EXT2: variants seen among roughly 807,000 people sequenced by gnomAD.
The protein encoded by EXT2 is exostosin-2.
EXT2 carries 53 observed loss-of-function variants against 81.6 expected under a neutral mutation model. That is an observed-to-expected ratio of 0.65 (90% CI 0.52 to 0.82). The LOEUF (loss-of-function observed/expected upper bound fraction) is 0.82, where lower values mean the gene tolerates loss of function less well. EXT2 is among the 40% of genes least tolerant of loss of function. The pLI, the probability that EXT2 is intolerant of heterozygous loss-of-function variation, is 0.00. For synonymous variants in EXT2, 320 were observed against 340.0 expected, an observed-to-expected ratio of 0.94 and a Z score of 0.65; for missense variants, 774 against 910.2, an observed-to-expected ratio of 0.85 and a Z score of 1.93.
chr11:44,142,570 G>A (rs1954660295), intron 7 of EXT2, among the ~76,000 whole-genome samples: 1 of 152,192 alleles, frequency 6.6e-6, no homozygotes, highest in South Asian at 2.1e-4. Context: ...AATGTTTGAA[G>A]TCTATCTATA....
rs1166893714 is a variant in EXT2 at position 44,124,932 on chromosome 11, T to G, written c.887T>G (p.Val296Gly). 10 of 1,613,764 alleles carry G rather than the reference T, an allele frequency of 6.2e-6. No homozygotes were observed. The Admixed American group carries it at 1.7e-4, about 27-fold the overall frequency. ...CTNLSEGVLS[V>G]RKRCHKHQVF... ...AACCTCTCAGAGGGTGTCCTTTCTGTCCGTAAGCGCTGCCACAAGCACCAG... is the reference window on the plus strand; with the variant it reads ...AACCTCTCAGAGGGTGTCCTTTCTGGCCGTAAGCGCTGCCACAAGCACCAG... Residue 296 changes from valine to glycine, a missense_variant, in exon 5 of 14, where the codon GTC becomes GGC. Transcript: ENST00000533608.
intron 8 of EXT2, among the ~76,000 whole-genome samples, chr11:44,174,672 A>G (rs1276218390): frequency 6.6e-6 from 1 of 152,212 alleles, no homozygotes; most frequent in Non-Finnish European, 1.5e-5. Flanking sequence ...ATATCTACAA[A>G]TGCTAATTTT....
At chr11:44,238,410 G>A (rs1314231327) in intron 13 of EXT2, among the ~76,000 whole-genome samples, 1 of 152,116 alleles carries the variant, frequency 6.6e-6, no homozygotes, top group Non-Finnish European at 1.5e-5. Flanking sequence ...TTGAACTCCT[G>A]GCCTCAAGGT....
intron 8 of EXT2, among the ~76,000 whole-genome samples, chr11:44,188,361 C>G (rs1955345451): frequency 6.6e-6 from 1 of 152,184 alleles, no homozygotes; most frequent in Non-Finnish European, 1.5e-5. Context: ...AGCTAGGAAA[C>G]TAAAAGATTA....
At chr11:44,229,894 A>C (rs1046980573) in intron 10 of EXT2, among the ~76,000 whole-genome samples, 2 of 152,234 alleles carry the variant, frequency 1.3e-5, no homozygotes, top group Non-Finnish European at 2.9e-5. Context: ...GTTGTTGCAT[A>C]CCAGGCACTG....
At chr11:44,131,955 C>T (rs567507086) in intron 7 of EXT2, among the ~76,000 whole-genome samples, 26 of 152,268 alleles carry the variant, frequency 1.7e-4, no homozygotes, top group African/African-American at 2.6e-4. Context: ...CCAGGCTGGT[C>T]GAACTCTTGA....
chr11:44,150,164 A>G (rs1954773794), intron 7 of EXT2, among the ~76,000 whole-genome samples: 2 of 152,228 alleles, frequency 1.3e-5, no homozygotes, highest in Non-Finnish European at 2.9e-5. Context: ...TTAGATTTAA[A>G]CAAGCAAGAT....
chr11:44,166,903 T>A (rs1019294465), intron 7 of EXT2, among the ~76,000 whole-genome samples: 4 of 152,312 alleles, frequency 2.6e-5, no homozygotes, highest in Admixed American at 1.3e-4. Flanking sequence ...CAGGAAAGAA[T>A]AGCTGATACT....
At chr11:44,169,889 G>T (rs1158802391) in intron 7 of EXT2, among the ~76,000 whole-genome samples, 2 of 151,822 alleles carry the variant, frequency 1.3e-5, no homozygotes, top group African/African-American at 4.8e-5. Context: ...AGCTTTGAGG[G>T]TACAAATTTG....
At chr11:44,139,766 G>T (rs1231025973) in intron 7 of EXT2, among the ~76,000 whole-genome samples, 1 of 152,140 alleles carries the variant, frequency 6.6e-6, no homozygotes, top group Admixed American at 6.5e-5. Context: ...GGTTTCCGTG[G>T]CCCCTGCCCT....
At chr11:44,187,395 T>C (rs965923266) in intron 8 of EXT2, among the ~76,000 whole-genome samples, 1 of 151,916 alleles carries the variant, frequency 6.6e-6, no homozygotes, top group East Asian at 1.9e-4. Flanking sequence ...AGGCTGATGT[T>C]GAACTCCTGG....
chr11:44,182,012 T>C (rs2135150607), intron 8 of EXT2, among the ~76,000 whole-genome samples: 1 of 152,300 alleles, frequency 6.6e-6, no homozygotes, highest in Non-Finnish European at 1.5e-5. Flanking sequence ...GGCTCATTGA[T>C]CAGAGAATAA....
At chr11:44,117,264 C>T (rs765593549) in intron 4 of EXT2, among the ~76,000 whole-genome samples, 18 of 152,172 alleles carry the variant, frequency 1.2e-4, no homozygotes, top group Admixed American at 5.2e-4. Flanking sequence ...CCACCGCACC[C>T]GGCCTCACAT....
chr11:44,127,738 C>A (rs776354521), intron 6 of EXT2, among the ~76,000 whole-genome samples: 4 of 152,182 alleles, frequency 2.6e-5, no homozygotes, highest in Non-Finnish European at 5.9e-5. Flanking sequence ...CTTGGGGATT[C>A]TGAATGTTAA....
At chr11:44,200,094 C>T (rs891427042) in intron 9 of EXT2, among the ~76,000 whole-genome samples, 8 of 151,132 alleles carry the variant, frequency 5.3e-5, no homozygotes, top group Admixed American at 6.6e-5. Flanking sequence ...AGCTCTGGTC[C>T]GCATGCCAGC....
intron 1 of EXT2, among the ~76,000 whole-genome samples, chr11:44,097,204 C>T (rs917860919): frequency 2.6e-5 from 4 of 152,156 alleles, no homozygotes; most frequent in African/African-American, 9.7e-5. Flanking sequence ...AAAACAGACC[C>T]TGGCATGTAG....
chr11:44,200,237 A>G (rs1418876275), intron 9 of EXT2, among the ~76,000 whole-genome samples: 1 of 151,106 alleles, frequency 6.6e-6, no homozygotes, highest in African/African-American at 2.4e-5. Context: ...ACTAAAATAA[A>G]TATTGTGGTT....
At chr11:44,173,903 T>C (rs1028068462) in intron 8 of EXT2, among the ~76,000 whole-genome samples, 5 of 152,226 alleles carry the variant, frequency 3.3e-5, no homozygotes, top group Admixed American at 2.0e-4. Context: ...AGGGGCATAC[T>C]TTCATATGTT....
intron 12 of EXT2, 133 bp downstream of exon 12, chr11:44,234,376 T>A: frequency 1.1e-6 from 1 of 872,562 alleles, no homozygotes; most frequent in Non-Finnish European, 1.9e-6. Context: ...TTTAAGGTTC[T>A]ATGATTGATG....
Sources: gnomAD v4.1 joint callset for allele counts (sites outside exome capture counted in the v4.1 genomes callset) on GRCh38, gnomAD v4.1.1 for gene constraint, MANE v1.5 for transcripts, NCBI Gene and HGNC (gene_info 2026-07-23, HGNC 2026-07-21) for gene names.